MAGEA11: variants seen among roughly 807,000 people sequenced by gnomAD.
MAGEA11 encodes MAGE family member A11.
Under a neutral mutation model 8.4 loss-of-function variants are expected in MAGEA11, and 1 was observed. The observed-to-expected ratio is 0.12, with a 90% CI of 0.04 to 0.57. The LOEUF (loss-of-function observed/expected upper bound fraction) is 0.57, where lower values mean the gene tolerates loss of function less well. Ranked by LOEUF, MAGEA11 falls within the 20% of genes least tolerant of loss-of-function variation. The pLI, the probability that MAGEA11 is intolerant of heterozygous loss-of-function variation, is 0.91. For synonymous variants in MAGEA11, 127 were observed against 119.3 expected, an observed-to-expected ratio of 1.06 and a Z score of -0.42; for missense variants, 209 against 317.3, an observed-to-expected ratio of 0.66 and a Z score of 2.59.
upstream of MAGEA11, among the ~76,000 whole-genome samples, chrX:149,708,665 A>G (rs1024434070): frequency 2.7e-5 from 3 of 110,915 alleles, no homozygotes; most frequent in Non-Finnish European, 5.7e-5. Context: ...AGGCTGGTCT[A>G]TTGAAGCCAG....
chrX:149,694,608 G>A lies in MAGEA11; in HGVS notation c.9+5624G>A, dbSNP rs187394854. ...TCTCACTCTGCAAAAAATCTATTTC[G>A]AATCTTCTCAAATCTCCAAAACACT... On this transcript the variant is annotated intron_variant, in intron 1 of 3. Transcript: ENST00000333104. Among the ~76,000 whole-genome samples, 439 of 112,098 alleles carry A rather than the reference G, an allele frequency of 3.9e-3. 2 individuals carry two copies. Among genetic ancestry groups the A allele is most frequent in the African/African-American group, 0.013 (417 of 30,921 alleles).
At chrX:149,711,093 T>A (rs1232545947), upstream of MAGEA11, among the ~76,000 whole-genome samples, 6 of 111,595 alleles carry the variant, frequency 5.4e-5, no homozygotes, top group African/African-American at 2.0e-4. Flanking sequence ...GAAACACTGG[T>A]TGATTAAAGG....
chrX:149,705,075 T>G (rs1040165210), intron 1 of MAGEA11, among the ~76,000 whole-genome samples: 2 of 112,584 alleles, frequency 1.8e-5, no homozygotes, highest in Admixed American at 9.3e-5. Flanking sequence ...ATCCCTATGT[T>G]CAGCTCCAGC....
intron 1 of MAGEA11, among the ~76,000 whole-genome samples, chrX:149,701,515 T>C (rs1291902359): frequency 1.8e-5 from 2 of 108,750 alleles, no homozygotes; most frequent in Non-Finnish European, 3.8e-5. Flanking sequence ...ATTTTGTAGG[T>C]TGCCTGTTCA....
Position 149,716,545 on chromosome X carries a change from G to T in MAGEA11, c.1059G>T (p.Gly353=), listed in dbSNP as rs782760226. 11 of 1,209,400 alleles carry T rather than the reference G, an allele frequency of 9.1e-6. No homozygotes were observed. The highest frequency in any genetic ancestry group is 1.2e-5 in the Non-Finnish European group (11 of 894,876). Residue 353 remains glycine, a synonymous_variant, in exon 5 of 5, where the codon GGG becomes GGT. Transcript: ENST00000355220. ...VYAGREHFLF[G]EPKRLLTQNW... ...CTGGAAGGGAGCACTTCCTCTTTGGGGAGCCCAAGAGGCTCCTTACCCAAA... is the reference window on the plus strand; with the variant it reads ...CTGGAAGGGAGCACTTCCTCTTTGGTGAGCCCAAGAGGCTCCTTACCCAAA...
intron 1 of MAGEA11, among the ~76,000 whole-genome samples, chrX:149,699,399 G>A (rs922150755): frequency 9.0e-6 from 1 of 111,675 alleles, no homozygotes; most frequent in African/African-American, 3.3e-5. Flanking sequence ...TTTCTGAGAA[G>A]TGTATGTTCT....
At chrX:149,714,276 T>G in intron 2 of MAGEA11, 1 of 523,298 alleles carries the variant, frequency 1.9e-6, no homozygotes, top group Non-Finnish European at 2.9e-6. Context: ...GATGAGGTCT[T>G]GGTGTAAAGG....
Position 149,689,745 on chromosome X carries a change from T to G in MAGEA11, c.9+761T>G, listed in dbSNP as rs1447463439. Among the ~76,000 whole-genome samples, 3 of 112,682 alleles carry G rather than the reference T, an allele frequency of 2.7e-5. No individual in the cohort carries two copies. In the Admixed American group the frequency reaches 2.8e-4, roughly 11 times the overall value. ...CCAATGCACTGAATCCCAATTTTGCTTCCTGGCTCTCCAGCCCTGCCAACA... is the reference window on the plus strand; with the variant it reads ...CCAATGCACTGAATCCCAATTTTGCGTCCTGGCTCTCCAGCCCTGCCAACA... On this transcript the variant is annotated intron_variant, in intron 1 of 3. Transcript: ENST00000333104.
intron 3 of MAGEA11, among the ~76,000 whole-genome samples, chrX:149,714,807 G>A (rs1395857057): frequency 3.0e-4 from 34 of 111,974 alleles, no homozygotes; most frequent in Non-Finnish European, 5.5e-4. Context: ...AATCAAGGTG[G>A]GGGCTGACGG....
At chrX:149,696,405 A>T (rs2090330550) in intron 1 of MAGEA11, among the ~76,000 whole-genome samples, 1 of 110,509 alleles carries the variant, frequency 9.0e-6, no homozygotes, top group Admixed American at 9.6e-5. Context: ...AGAGATGGTG[A>T]CAAGCAGCTT....
chrX:149,712,022 C>T (rs1490305319), upstream of MAGEA11: 18 of 748,639 alleles, frequency 2.4e-5, no homozygotes, highest in Admixed American at 8.9e-5. Context: ...GCTGTAAATC[C>T]AGGGAAGCTC....
chrX:149,693,507 C>G (rs2090318485), intron 1 of MAGEA11, among the ~76,000 whole-genome samples: 1 of 111,885 alleles, frequency 8.9e-6, no homozygotes, highest in African/African-American at 3.3e-5. Context: ...CAGAGAGGCT[C>G]TCTACTGATG....
rs149607417 is a variant in MAGEA11 at position 149,704,425 on chromosome X, C to A, written c.10-10056C>A. Reference sequence around the variant, plus strand: ...AAGGGACTTCGCTCACTATTTTCCTCCCCCTTTTTTTCACTCCTGCTTCAT... The same window carrying A: ...AAGGGACTTCGCTCACTATTTTCCTACCCCTTTTTTTCACTCCTGCTTCAT... On this transcript the variant is annotated intron_variant, in intron 1 of 3. Transcript: ENST00000333104. Among the ~76,000 whole-genome samples, 123 of 112,445 alleles carry A rather than the reference C, an allele frequency of 1.1e-3. No individual in the cohort carries two copies. In the East Asian group the frequency reaches 0.028, roughly 26 times the overall value.
Position 149,715,982 on chromosome X carries a change from G to C in MAGEA11, c.496G>C (p.Ala166Pro). 1 of 1,211,520 alleles carries C rather than the reference G, an allele frequency of 8.3e-7. No homozygotes were observed. The highest frequency in any genetic ancestry group is 1.1e-6 in the Non-Finnish European group (1 of 895,394). Residue 166 changes from alanine (A) to proline (P), a missense_variant, in exon 5 of 5, where the codon GCT becomes CCT. Transcript: ENST00000355220. ...GGGCACTCTAGAGGAGTTGCCTGCT[G>C]CTGAGTCACCAAGTCCTCCCCAGAG... ...NVGTLEELPA[A>P]ESPSPPQSPQ...
At chrX:149,702,125 T>C (rs940332357) in intron 1 of MAGEA11, among the ~76,000 whole-genome samples, 3 of 112,081 alleles carry the variant, frequency 2.7e-5, no homozygotes, top group Non-Finnish European at 5.6e-5. Context: ...AGGTGATCCA[T>C]GTATACTTGA....
At chrX:149,697,768 C>T (rs1557360675) in intron 1 of MAGEA11, among the ~76,000 whole-genome samples, 1 of 112,040 alleles carries the variant, frequency 8.9e-6, no homozygotes, top group African/African-American at 3.2e-5. Context: ...CAATGTACTG[C>T]TCAGGCCATT....
At chrX:149,701,566 T>C (rs1404164919) in intron 1 of MAGEA11, among the ~76,000 whole-genome samples, 1 of 109,619 alleles carries the variant, frequency 9.1e-6, no homozygotes, top group Non-Finnish European at 1.9e-5. Context: ...AGCTCTTTAG[T>C]TTAATTAGAT....
At chrX:149,706,966 C>T (rs921019347) in intron 1 of MAGEA11, among the ~76,000 whole-genome samples, 8 of 112,693 alleles carry the variant, frequency 7.1e-5, no homozygotes, top group African/African-American at 2.3e-4. Context: ...GTTCAGATAG[C>T]CCTGGGTGGC....
At chrX:149,710,417 A>C (rs6641202), upstream of MAGEA11, among the ~76,000 whole-genome samples, 26,021 of 110,977 alleles carry the variant, frequency 0.23, 2,879 homozygotes, top group East Asian at 0.68. Flanking sequence ...ATGACTGTCA[A>C]GCTCAGGCAT....
Sources: gnomAD v4.1 joint callset for allele counts (sites outside exome capture counted in the v4.1 genomes callset) on GRCh38, gnomAD v4.1.1 for gene constraint, MANE v1.5 for transcripts, NCBI Gene and HGNC (gene_info 2026-07-23, HGNC 2026-07-21) for gene names.